The following CELF6 variants were observed in gnomAD, a reference collection of about 807,000 sequenced individuals.
CELF6 encodes CUGBP Elav-like family member 6.
CELF6 carries 32 observed loss-of-function variants against 53.1 expected under a neutral mutation model. That is an observed-to-expected ratio of 0.60 (90% CI 0.46 to 0.81). The LOEUF is 0.81. Ranked by LOEUF, CELF6 falls within the 30% of genes least tolerant of loss-of-function variation. CELF6 has a pLI of 0.00. For missense variants in CELF6, 539 were observed against 669.5 expected, an observed-to-expected ratio of 0.81 and a Z score of 2.15; for synonymous variants, 291 against 288.8, an observed-to-expected ratio of 1.01 and a Z score of -0.08.
chr15:72,314,467 A>ACCCAC (rs1022796371), intron 2 of CELF6, among the ~76,000 whole-genome samples: 18 of 152,168 alleles, frequency 1.2e-4, no homozygotes, highest in African/African-American at 4.3e-4. Flanking sequence ...TGTTAGTATA[A>ACCCAC]CCCACTCCTC....
chr15:72,296,411 C>T (rs2088078176), intron 3 of CELF6, among the ~76,000 whole-genome samples: 1 of 152,064 alleles, frequency 6.6e-6, no homozygotes, highest in Admixed American at 6.5e-5. Flanking sequence ...TAACAAGGAT[C>T]TATTGGAGGG....
chr15:72,289,818 C>T lies in CELF6; in HGVS notation c.604-48G>A, dbSNP rs2079441053. ...TGGTGACCGGTCCTGACCCTGGCCC[C>T]GGCCCGGGGCCGAGCGCCTTTCCCA... On this transcript the variant is annotated intron_variant, in intron 5 of 12. Coordinates refer to ENST00000287202, the MANE Select transcript of CELF6 (RefSeq NM_052840.5). This position sits in a 1 kb window ranked among gnomAD's most constrained non-coding sequence, Gnocchi z 7.6. The T allele has an allele frequency of 3.4e-6, 5 of 1,463,538 alleles. No homozygotes were observed. Among genetic ancestry groups the T allele is most frequent in the African/African-American group, 2.8e-5 (2 of 70,904 alleles). 90.7% of individuals were successfully genotyped at this position (1,463,538 alleles called of 1,614,324 possible). A position where few individuals can be genotyped will look rare whatever the true frequency, so the allele number is the denominator to read the frequency against.
intron 2 of CELF6, chr15:72,306,243 T>C (rs747367604): frequency 1.6e-5 from 16 of 985,024 alleles, no homozygotes; most frequent in Non-Finnish European, 1.8e-5. Flanking sequence ...GGAATTATTG[T>C]TGGGGGGCAG....
rs1327166692 is a variant in CELF6, at chr15:72,319,072, G to C, written c.262+541C>G. On this transcript the variant is annotated intron_variant, in intron 1 of 12. Coordinates refer to ENST00000287202, the MANE Select transcript of CELF6 (RefSeq NM_052840.5). The surrounding 1 kb of genome is among the most constrained non-coding windows in gnomAD (Gnocchi z 5.0). ...AGGTCTGGGTTCTGAAGAAGGGGAG[G>C]GTTTGGGTCTGCGGTGTTTTAGGTT... 6.6e-6 allele frequency among the ~76,000 whole-genome samples: 1 copy of C among 152,060 alleles called. No individual in the cohort carries two copies. Among genetic ancestry groups the C allele is most frequent in the Non-Finnish European group, 1.5e-5 (1 of 68,016 alleles).
At chr15:72,314,068 A>T (rs1327462803) in intron 2 of CELF6, among the ~76,000 whole-genome samples, 2 of 152,204 alleles carry the variant, frequency 1.3e-5, no homozygotes, top group African/African-American at 4.8e-5. Context: ...GAGCTTGCAT[A>T]CAGAGGACCA....
At chr15:72,292,384 TC>T (rs1414306436) in intron 3 of CELF6, 5 of 681,980 alleles carry the variant, frequency 7.3e-6, no homozygotes, top group Non-Finnish European at 1.2e-5. Flanking sequence ...ATGCCATTGT[TC>T]TAAGTTATTC....
intron 2 of CELF6, among the ~76,000 whole-genome samples, chr15:72,307,434 G>A (rs2088245691): frequency 2.0e-5 from 3 of 152,186 alleles, no homozygotes; most frequent in Non-Finnish European, 4.4e-5. Context: ...CTCTTCATAG[G>A]CTCGCAGAGG....
intron 2 of CELF6, among the ~76,000 whole-genome samples, chr15:72,311,248 G>A (rs959285309): frequency 2.6e-5 from 4 of 150,998 alleles, no homozygotes; most frequent in African/African-American, 4.9e-5. Context: ...TGATCCGCCC[G>A]CCTCAGCCTC....
intron 1 of CELF6, among the ~76,000 whole-genome samples, chr15:72,317,018 G>A (rs1444121140): frequency 3.9e-5 from 6 of 152,172 alleles, no homozygotes; most frequent in Non-Finnish European, 5.9e-5. Context: ...TCAGACAGAG[G>A]GAAAAGCATA....
intron 2 of CELF6, chr15:72,313,886 A>G (rs1039732819): frequency 4.2e-6 from 1 of 238,414 alleles, no homozygotes; most frequent in Non-Finnish European, 6.8e-6. Context: ...TGCCAAGAAC[A>G]GCATTGAGTA....
Position 72,320,083 on chromosome 15 carries a change from G to C in CELF6, c.-209C>G, listed in dbSNP as rs1453075685. On this transcript the variant is annotated 5_prime_UTR_variant, in exon 1 of 13. Transcript: ENST00000287202. ...CGGGGCCGGGGCGGGGCGGGCCCGG[G>C]CCGAGGTGGCGGCTGAACGCTGGGG... 1.5e-6 allele frequency: 1 copy of C among 654,490 alleles called. No homozygotes were observed. The highest frequency in any genetic ancestry group is 2.8e-6 in the Non-Finnish European group (1 of 357,786). The allele number at this position is 654,490 out of a possible 1,614,324, so 40.5% of individuals were successfully genotyped here.
In CELF6 at chr15:72,288,473, G is replaced by T; in HGVS notation, c.1175-22C>A. On this transcript the variant is annotated intron_variant, in intron 10 of 12. Coordinates refer to ENST00000287202, the MANE Select transcript of CELF6 (RefSeq NM_052840.5). This position sits in a 1 kb window ranked among gnomAD's most constrained non-coding sequence, Gnocchi z 4.6. ...GGGCCTGGAGGAACAGTAGCAAGCT[G>T]GTTCAGGGGAAGGACCCTGAGTCCA... 6.2e-7 allele frequency: 1 copy of T among 1,614,148 alleles called. No homozygotes were observed.
chr15:72,312,573 G>A (rs1269820721), intron 2 of CELF6, among the ~76,000 whole-genome samples: 1 of 152,132 alleles, frequency 6.6e-6, no homozygotes, highest in African/African-American at 2.4e-5. Context: ...AGGTTGCAGT[G>A]AGCTGAGATG....
intron 1 of CELF6, among the ~76,000 whole-genome samples, chr15:72,318,053 G>A (rs893014636): frequency 2.6e-5 from 4 of 152,104 alleles, no homozygotes; most frequent in Non-Finnish European, 4.4e-5. Context: ...CTTATTGTAC[G>A]GATGGCCTAC....
At chr15:72,314,549 C>T (rs2140307133) in intron 2 of CELF6, among the ~76,000 whole-genome samples, 1 of 149,098 alleles carries the variant, frequency 6.7e-6, no homozygotes, top group East Asian at 2.0e-4. Flanking sequence ...AATGGCAGAG[C>T]TGGGATTCAA....
chr15:72,313,500 A>G (rs1196964156), intron 2 of CELF6, among the ~76,000 whole-genome samples: 1 of 152,154 alleles, frequency 6.6e-6, no homozygotes, highest in Non-Finnish European at 1.5e-5. Flanking sequence ...TTCCTCCCAA[A>G]GTTTATCTTA....
Position 72,289,368 on chromosome 15 carries a change from G to A in CELF6, c.880+7C>T. ...CCCAGGCGCGCCCCAGTCCCTGGGG[G>A]CCGTACCTGCCGCGGGCAACAGAGG... On this transcript the variant is annotated splice_region_variant and intron_variant, in intron 7 of 12. Transcript: ENST00000287202. The surrounding 1 kb of genome is among the most constrained non-coding windows in gnomAD (Gnocchi z 7.6). The A allele has an allele frequency of 3.2e-6, 5 of 1,548,854 alleles. No homozygotes were observed. Among genetic ancestry groups the A allele is most frequent in the Non-Finnish European group, 4.3e-6 (5 of 1,155,518 alleles).
chr15:72,290,829 C>T (rs2087996216), intron 3 of CELF6, among the ~76,000 whole-genome samples: 1 of 152,134 alleles, frequency 6.6e-6, no homozygotes, highest in African/African-American at 2.4e-5. Flanking sequence ...AGGCACTGAG[C>T]ACTGGCATGA....
chr15:72,301,138 T>A (rs1372771051), intron 3 of CELF6, among the ~76,000 whole-genome samples: 2 of 151,920 alleles, frequency 1.3e-5, no homozygotes, highest in African/African-American at 4.8e-5. Context: ...ACTAAAGATG[T>A]ATGCCACCAC....
Sources: allele counts gnomAD v4.1 joint callset (sites outside exome capture counted in the v4.1 genomes callset), GRCh38; gene constraint gnomAD v4.1.1; non-coding constraint Gnocchi (gnomAD v3.1); transcripts MANE v1.5; gene names NCBI Gene and HGNC (gene_info 2026-07-23, HGNC 2026-07-21).